NCAM2: variants seen among roughly 807,000 people sequenced by gnomAD.
The protein encoded by NCAM2 is neural cell adhesion molecule 2, also known as N-CAM-2.
A neutral mutation model predicts 98.1 loss-of-function variants in NCAM2; 30 were observed. The ratio of observed to expected loss-of-function variants is 0.31; its 90% CI spans 0.23 to 0.41. The LOEUF is 0.41. Among genes scored for constraint, NCAM2 ranks in the 10% least tolerant of loss-of-function variants. NCAM2 has a pLI of 1.00. For synonymous variants in NCAM2, 368 were observed against 342.4 expected (o/e 1.07, Z -0.83); for missense variants, 867 against 1,005.8 (o/e 0.86, Z 1.87).
intron 12 of NCAM2, among the ~76,000 whole-genome samples, chr21:21,437,244 A>C (rs1358006084): frequency 3.3e-5 from 5 of 152,148 alleles, no homozygotes; most frequent in African/African-American, 4.8e-5. Flanking sequence ...TTTTTAAGGT[A>C]CACAACTCTG....
chr21:21,123,947 A>G (rs1029779871), intron 1 of NCAM2, among the ~76,000 whole-genome samples: 8 of 143,774 alleles, frequency 5.6e-5, no homozygotes, highest in Non-Finnish European at 1.0e-4. Context: ...TCCGGATTCA[A>G]GACCATTCTC....
chr21:21,376,768 T>C (rs2148066996), intron 9 of NCAM2, among the ~76,000 whole-genome samples: 1 of 151,932 alleles, frequency 6.6e-6, no homozygotes, highest in South Asian at 2.1e-4. Flanking sequence ...TATTGGTTTA[T>C]GTTTCTGCTT....
chr21:21,122,448 T>C (rs1010322368), intron 1 of NCAM2, among the ~76,000 whole-genome samples: 2 of 152,234 alleles, frequency 1.3e-5, no homozygotes, highest in Admixed American at 1.3e-4. Flanking sequence ...ATATTCATTG[T>C]GAATTTCCAC....
In NCAM2 at chr21:21,324,489, C is replaced by T. The variant is rs773417141; in HGVS notation, c.726C>T (p.Ile242=). 6.2e-7 allele frequency: 1 copy of T among 1,609,606 alleles called. No individual in the cohort carries two copies. The highest frequency in any genetic ancestry group is 1.1e-5 in the South Asian group (1 of 90,940). ...CRASGSPEPA[I]SWFRNGKLIE... ...CCTCAGGCTCTCCAGAACCCGCCAT[C>T]TCCTGGTTCAGGTAGGTTATGCACC... Residue 242 remains isoleucine, a synonymous_variant, in exon 6 of 18, where the codon ATC becomes ATT. Coordinates refer to ENST00000400546, the MANE Select transcript of NCAM2 (RefSeq NM_004540.5).
chr21:21,189,450 A>G (rs2068747426), intron 1 of NCAM2, among the ~76,000 whole-genome samples: 1 of 152,130 alleles, frequency 6.6e-6, no homozygotes, highest in Admixed American at 6.6e-5. Context: ...ACTTGGCCAG[A>G]TGTGTTGGCT....
intron 1 of NCAM2, among the ~76,000 whole-genome samples, chr21:21,189,240 G>T (rs1415055840): frequency 6.6e-6 from 1 of 152,040 alleles, no homozygotes; most frequent in African/African-American, 2.4e-5. Flanking sequence ...TGTTCAGTTG[G>T]TCTCTATTTT....
intron 4 of NCAM2, 123 bp from the exon 5 acceptor site, chr21:21,291,981 G>T: frequency 1.2e-6 from 1 of 831,658 alleles, no homozygotes; most frequent in Non-Finnish European, 1.7e-6. Flanking sequence ...ATTTGAATTT[G>T]TTTGCTGATG....
chr21:21,519,077 G>T (rs1322497705), intron 16 of NCAM2, among the ~76,000 whole-genome samples: 1 of 152,054 alleles, frequency 6.6e-6, no homozygotes, highest in African/African-American at 2.4e-5. Context: ...AGCTTGCTAT[G>T]TTCAAAGGCA....
chr21:21,410,397 T>G lies in NCAM2; in HGVS notation c.1319T>G (p.Val440Gly). ...ATTCACTGGAGAAGAGATAAATTAG[T>G]CTTACCTGCTAAAAACACGACCAAT... is the stretch of plus-strand genomic sequence containing the variant. ...ASIHWRRDKL[V>G]LPAKNTTNLK... is the part of the protein sequence containing the mutation. The change falls in exon 10 of 18, where the codon GTC becomes GGC. Residue 440 changes from valine (V) to glycine (G), a missense_variant. Coordinates refer to ENST00000400546, the MANE Select transcript of NCAM2 (RefSeq NM_004540.5). 6.2e-7 allele frequency: 1 copy of G among 1,601,254 alleles called. No homozygotes were observed. The highest frequency in any genetic ancestry group is 8.5e-7 in the Non-Finnish European group (1 of 1,173,214).
chr21:21,350,371 C>T (rs1226427798), intron 8 of NCAM2, among the ~76,000 whole-genome samples: 1 of 151,984 alleles, frequency 6.6e-6, no homozygotes, highest in South Asian at 2.1e-4. Context: ...ACGATGTGTT[C>T]CTAATTGTTT....
At chr21:21,117,648 T>C (rs1333035847) in intron 1 of NCAM2, among the ~76,000 whole-genome samples, 1 of 152,198 alleles carries the variant, frequency 6.6e-6, no homozygotes, top group Admixed American at 6.5e-5. Flanking sequence ...AATATTATTC[T>C]TTGACATTAC....
At chr21:21,322,081 A>G (rs1041550718) in intron 5 of NCAM2, among the ~76,000 whole-genome samples, 10 of 152,176 alleles carry the variant, frequency 6.6e-5, no homozygotes, top group Non-Finnish European at 1.3e-4. Context: ...GGTGGACTGG[A>G]TAAATAAAAT....
chr21:21,110,612 G>A (rs960554789), intron 1 of NCAM2, among the ~76,000 whole-genome samples: 1 of 150,336 alleles, frequency 6.7e-6, no homozygotes, highest in South Asian at 2.1e-4. Flanking sequence ...TAGTTTCATG[G>A]ATCTTTTCAT....
chr21:21,031,591 T>C (rs993291538), intron 1 of NCAM2, among the ~76,000 whole-genome samples: 1 of 152,178 alleles, frequency 6.6e-6, no homozygotes, highest in East Asian at 1.9e-4. Flanking sequence ...GGTTTGGTTT[T>C]GGAAGAGGAA....
intron 5 of NCAM2, among the ~76,000 whole-genome samples, chr21:21,299,341 A>G (rs2073621831): frequency 6.6e-6 from 1 of 151,238 alleles, no homozygotes; most frequent in Non-Finnish European, 1.5e-5. Flanking sequence ...GGCTTTTAAT[A>G]AAAGCATAGG....
intron 1 of NCAM2, among the ~76,000 whole-genome samples, chr21:21,214,874 CA>C (rs2069828209): frequency 6.7e-6 from 1 of 150,270 alleles, no homozygotes; most frequent in African/African-American, 2.4e-5. Flanking sequence ...GCCTCAAATA[CA>C]GCAACAAAAA....
chr21:21,102,538 C>T (rs2066264883), intron 1 of NCAM2, among the ~76,000 whole-genome samples: 1 of 151,760 alleles, frequency 6.6e-6, no homozygotes, highest in African/African-American at 2.4e-5. Context: ...TGGATATAAA[C>T]CAAAACAATT....
chr21:21,088,880 G>C (rs2065956470), intron 1 of NCAM2, among the ~76,000 whole-genome samples: 1 of 151,958 alleles, frequency 6.6e-6, no homozygotes, highest in South Asian at 2.1e-4. Flanking sequence ...GCTGAGGCAG[G>C]AGAATGGCTT....
At chr21:21,509,622 C>T (rs999426668) in intron 16 of NCAM2, among the ~76,000 whole-genome samples, 9 of 152,026 alleles carry the variant, frequency 5.9e-5, no homozygotes, top group African/African-American at 2.2e-4. Context: ...GAATTTGGAG[C>T]TCTCTGTGTA....
Sources: gnomAD v4.1 joint callset for allele counts (sites outside exome capture counted in the v4.1 genomes callset) on GRCh38, gnomAD v4.1.1 for gene constraint, MANE v1.5 for transcripts, NCBI Gene and HGNC (gene_info 2026-07-23, HGNC 2026-07-21) for gene names.